IQCK: variants seen among roughly 807,000 people sequenced by gnomAD.
The protein encoded by IQCK is IQ motif containing K, also known as IQ domain-containing protein K.
A neutral mutation model predicts 28.1 loss-of-function variants in IQCK; 29 were observed. The observed-to-expected ratio is 1.03, with a 90% CI of 0.77 to 1.41. IQCK has a LOEUF of 1.41. Ranked by LOEUF, IQCK falls within the 40% of genes most tolerant of loss-of-function variation. IQCK has a pLI of 0.00. For missense variants in IQCK, 359 were observed against 314.7 expected, an observed-to-expected ratio of 1.14 and a Z score of -1.07; for synonymous variants, 113 against 115.1, an observed-to-expected ratio of 0.98 and a Z score of 0.12.
intron 9 of IQCK, among the ~76,000 whole-genome samples, chr16:19,843,986 A>G (rs1412648786): frequency 2.0e-5 from 3 of 152,074 alleles, no homozygotes; most frequent in Admixed American, 1.3e-4. Flanking sequence ...CCATTAATCA[A>G]TTGATGGGCA....
rs1004173400 is a variant in IQCK at position 19,858,345 on chromosome 16, A to G, written c.*1797A>G. 27 of 448,620 alleles carry G rather than the reference A, an allele frequency of 6.0e-5. No individual in the cohort carries two copies. The South Asian group carries it at 6.9e-4, about 12-fold the overall frequency. 27.8% of individuals were successfully genotyped at this position (448,620 alleles called of 1,614,324 possible). ...AAAGGGGGGAAAAAGGTCTCATTAAATGAGGCTTCCCATGGCTCAAAGATG... is the reference window on the plus strand; with the variant it reads ...AAAGGGGGGAAAAAGGTCTCATTAAGTGAGGCTTCCCATGGCTCAAAGATG... On this transcript the variant is annotated 3_prime_UTR_variant, in exon 10 of 10. Coordinates refer to the IQCK transcript ENST00000320394.
At position 19,776,304 on chromosome 16, in the gene IQCK, C is replaced by T. The variant is rs150551419; in HGVS notation, c.605+12192C>T. Among the ~76,000 whole-genome samples, 21 of 152,292 alleles carry T rather than the reference C, an allele frequency of 1.4e-4. No individual in the cohort carries two copies. In the East Asian group the frequency reaches 3.9e-3, roughly 28 times the overall value. On this transcript the variant is annotated intron_variant, in intron 6 of 7. Transcript: ENST00000564186. ...GCAACCTGGCTGCAGAGTCTATGCA[C>T]TGTTAAGAGTGTGGCTAATTATTCT...
chr16:19,723,059 T>A (rs1473453493), intron 1 of IQCK, among the ~76,000 whole-genome samples: 1 of 152,064 alleles, frequency 6.6e-6, no homozygotes, highest in Non-Finnish European at 1.5e-5. Flanking sequence ...TTGCCAGTCC[T>A]TATAGATTCT....
intron 6 of IQCK, among the ~76,000 whole-genome samples, chr16:19,772,394 C>T (rs550776058): frequency 5.9e-4 from 89 of 151,076 alleles, no homozygotes; most frequent in African/African-American, 2.1e-3. Flanking sequence ...TTCAAAAAAA[C>T]GGTATAAAAA....
chr16:19,723,989 G>C (rs116720417), intron 1 of IQCK, among the ~76,000 whole-genome samples: 1 of 151,186 alleles, frequency 6.6e-6, no homozygotes, highest in East Asian at 1.9e-4. Context: ...AGCTTCCTTG[G>C]CTCCCCTTCC....
chr16:19,780,008 C>T (rs1171003318), intron 6 of IQCK, among the ~76,000 whole-genome samples: 10 of 141,330 alleles, frequency 7.1e-5, no homozygotes, highest in Admixed American at 5.1e-4. Context: ...CGTGAGCCAC[C>T]GTGCCCAGCC....
chr16:19,749,933 G>T (rs2054963575), intron 4 of IQCK, among the ~76,000 whole-genome samples: 1 of 152,106 alleles, frequency 6.6e-6, no homozygotes, highest in South Asian at 2.1e-4. Context: ...ACAGTGTAAG[G>T]GAAGCTTAAT....
At chr16:19,740,173 A>G (rs1036566157) in intron 4 of IQCK, among the ~76,000 whole-genome samples, 2 of 152,182 alleles carry the variant, frequency 1.3e-5, no homozygotes, top group Admixed American at 6.5e-5. Flanking sequence ...ACTTGCCTTC[A>G]GTTATCAAAT....
At chr16:19,833,769 C>A (rs1397445361) in intron 9 of IQCK, among the ~76,000 whole-genome samples, 1 of 152,138 alleles carries the variant, frequency 6.6e-6, no homozygotes, top group Non-Finnish European at 1.5e-5. Context: ...TTAAGATGAA[C>A]ACCTCATCTT....
At chr16:19,803,628 A>T (rs566244000) in intron 7 of IQCK, among the ~76,000 whole-genome samples, 2 of 152,146 alleles carry the variant, frequency 1.3e-5, no homozygotes, top group Non-Finnish European at 2.9e-5. Context: ...AGTCTAGCTC[A>T]CCAAGTTATC....
chr16:19,839,963 T>C (rs1036607382), intron 9 of IQCK, among the ~76,000 whole-genome samples: 6 of 150,502 alleles, frequency 4.0e-5, no homozygotes, highest in South Asian at 2.1e-4. Context: ...GCCACTGCAC[T>C]CCAGCCTGGG....
chr16:19,778,019 C>G (rs1281827502), intron 6 of IQCK, among the ~76,000 whole-genome samples: 1 of 152,120 alleles, frequency 6.6e-6, no homozygotes, highest in Non-Finnish European at 1.5e-5. Context: ...CGCCATTGCA[C>G]TCCAGCCCGG....
At chr16:19,839,972 G>A (rs2056345859) in intron 9 of IQCK, among the ~76,000 whole-genome samples, 1 of 151,762 alleles carries the variant, frequency 6.6e-6, no homozygotes, top group African/African-American at 2.4e-5. Context: ...CTCCAGCCTG[G>A]GAGACAGAGC....
chr16:19,781,242 A>T (rs1401444692), intron 6 of IQCK, among the ~76,000 whole-genome samples: 6 of 152,212 alleles, frequency 3.9e-5, no homozygotes, highest in Non-Finnish European at 7.3e-5. Context: ...AATATCAAGT[A>T]TCACAGCCTT....
rs117740452 is a variant in IQCK at position 19,735,312 on chromosome 16, A to G, written c.377-41A>G. 1.3e-3 allele frequency: 1,793 copies of G among 1,384,276 alleles called. 1 individual carries two copies. Among genetic ancestry groups the G allele is most frequent in the Middle Eastern group, 5.3e-3 (30 of 5,632 alleles). The allele number at this position is 1,384,276 out of a possible 1,614,324, so 85.7% of individuals were successfully genotyped here. On this transcript the variant is annotated intron_variant, in intron 3 of 7. Coordinates refer to ENST00000564186, the Ensembl canonical transcript of IQCK. ...CATTTCTCCCAGATTGGCTCGGGCC[A>G]CTGGGGATTTGCAGGGGGAATTTTT...
chr16:19,763,909 T>C lies in IQCK; in HGVS notation c.527+9T>C. 1 of 1,613,050 alleles carries C rather than the reference T, an allele frequency of 6.2e-7. No individual in the cohort carries two copies. Among genetic ancestry groups the C allele is most frequent in the Non-Finnish European group, 8.5e-7 (1 of 1,178,972 alleles). ...ACTGAGTGGTTATACAAGTAAGTTG[T>C]TCGTGTCTGACTATTCAGTGATCCT... is the stretch of plus-strand genomic sequence containing the variant. On this transcript the variant is annotated intron_variant, in intron 5 of 7. Transcript: ENST00000564186.
chr16:19,821,679 A>G (rs11074412), intron 7 of IQCK, among the ~76,000 whole-genome samples: 38,396 of 151,976 alleles, frequency 0.25, 5,276 homozygotes, highest in African/African-American at 0.35. Flanking sequence ...GGGTGACAGA[A>G]CGAGACTCCG....
rs193265959 is a variant in IQCK at position 19,776,825 on chromosome 16, G to T, written c.606-12013G>T. Among the ~76,000 whole-genome samples the T allele has an allele frequency of 7.2e-5, 11 of 152,206 alleles. No individual in the cohort carries two copies. In the East Asian group the frequency reaches 1.9e-3, roughly 27 times the overall value. On this transcript the variant is annotated intron_variant, in intron 6 of 7. Transcript: ENST00000564186. ...GGTAGATGATGTCATATCTCCCGTC[G>T]GCCTTAGTCCTGTTTATTAATCCAG...
chr16:19,753,779 T>C (rs910604398), intron 4 of IQCK, among the ~76,000 whole-genome samples: 5 of 151,946 alleles, frequency 3.3e-5, no homozygotes. Flanking sequence ...GGTTCTCTCC[T>C]GCCTCTCTGC....
Sources: allele counts gnomAD v4.1 joint callset (sites outside exome capture counted in the v4.1 genomes callset), GRCh38; gene constraint gnomAD v4.1.1; transcripts MANE v1.5; gene names NCBI Gene and HGNC (gene_info 2026-07-23, HGNC 2026-07-21).